The following MCC variants were observed in gnomAD, a reference collection of about 807,000 sequenced individuals.
The protein encoded by MCC is colorectal mutant cancer protein.
In MCC, 90 loss-of-function variants were observed where a neutral mutation model predicts 116.2. The ratio of observed to expected loss-of-function variants is 0.77; its 90% CI spans 0.65 to 0.92. MCC has a LOEUF of 0.92. MCC is among the 40% of genes least tolerant of loss of function. The pLI is 0.00. For missense variants in MCC, 1,516 were observed against 1,312.2 expected (o/e 1.16, Z -2.40); for synonymous variants, 578 against 510.5 (o/e 1.13, Z -1.78).
intron 9 of MCC, among the ~76,000 whole-genome samples, chr5:113,084,723 C>T (rs973467830): frequency 6.6e-6 from 1 of 152,234 alleles, no homozygotes; most frequent in African/African-American, 2.4e-5. Flanking sequence ...CTTCTCACAG[C>T]TGCCACAGCC....
intron 1 of MCC, among the ~76,000 whole-genome samples, chr5:113,449,683 G>A (rs1339209646): frequency 6.6e-6 from 1 of 152,196 alleles, no homozygotes; most frequent in Non-Finnish European, 1.5e-5. Flanking sequence ...GAGGCTCAGA[G>A]GTAAAACTGC....
At position 113,101,811 on chromosome 5, in the gene MCC, T is replaced by C. The variant is rs1386656494; in HGVS notation, c.1326A>G (p.Lys442=). The C allele has an allele frequency of 6.2e-7, 1 of 1,613,546 alleles. No homozygotes were observed. The highest frequency in any genetic ancestry group is 1.3e-5 in the African/African-American group (1 of 75,012). ...CCTTAGTCCGGTTCAGTTCTTCCTC[T>C]TTGCTGCACAGCATGGCAGTCAGGC... ...NESLTAMLCS[K]EEELNRTKAT... The change falls in exon 8 of 19, where the codon AAA becomes AAG. Residue 442 remains lysine, a synonymous_variant. Coordinates refer to ENST00000408903, the MANE Select transcript of MCC (RefSeq NM_001085377.2).
chr5:113,469,434 C>T (rs1214472678), intron 1 of MCC, among the ~76,000 whole-genome samples: 3 of 152,048 alleles, frequency 2.0e-5, no homozygotes, highest in Non-Finnish European at 2.9e-5. Flanking sequence ...CTTCATTTTA[C>T]TATTTACCCA....
At chr5:113,146,102 A>G (rs957342492) in intron 4 of MCC, among the ~76,000 whole-genome samples, 2 of 122,846 alleles carry the variant, frequency 1.6e-5, no homozygotes, top group African/African-American at 5.1e-5. Context: ...TTACATTCCT[A>G]TATTTTTCCG....
chr5:113,300,135 G>C (rs1325366029), intron 3 of MCC, among the ~76,000 whole-genome samples: 1 of 152,154 alleles, frequency 6.6e-6, no homozygotes, highest in African/African-American at 2.4e-5. Flanking sequence ...ACTCTATTCT[G>C]GGTCTGGTCT....
intron 1 of MCC, among the ~76,000 whole-genome samples, chr5:113,461,323 CT>C (rs944208297): frequency 2.6e-5 from 4 of 152,168 alleles, no homozygotes; most frequent in African/African-American, 4.8e-5. Flanking sequence ...GAACAGCCCC[CT>C]TTATAATTGT....
rs113662611 is a variant in MCC at position 113,248,108 on chromosome 5, A to C, written c.627+92411T>G. Among the ~76,000 whole-genome samples the C allele has an allele frequency of 8.7e-4, 133 of 152,200 alleles. 1 individual carries two copies. The highest frequency in any genetic ancestry group is 3.1e-3 in the African/African-American group (130 of 41,534). On this transcript the variant is annotated intron_variant, in intron 3 of 18. Transcript: ENST00000408903. ...AAAGGAAGCTAAGAATAAAGAAAGC[A>C]TATATCCTGGTTACTCCAGGCTGAC...
At chr5:113,269,879 A>G (rs1181480306) in intron 3 of MCC, among the ~76,000 whole-genome samples, 1 of 152,356 alleles carries the variant, frequency 6.6e-6, no homozygotes, top group Non-Finnish European at 1.5e-5. Context: ...AAGGCAACAG[A>G]GTACACTGAG....
intron 3 of MCC, among the ~76,000 whole-genome samples, chr5:113,327,567 T>A (rs59991000): frequency 0.015 from 1,323 of 91,230 alleles, 32 homozygotes; most frequent in African/African-American, 0.049. Context: ...AAAAAATATA[T>A]ATATATATAT....
At chr5:113,309,108 C>T (rs111631088) in intron 3 of MCC, among the ~76,000 whole-genome samples, 3,149 of 152,298 alleles carry the variant, frequency 0.021, 36 homozygotes, top group Middle Eastern at 0.027. Context: ...CATGCTCTTA[C>T]AGAATTTCCT....
intron 1 of MCC, among the ~76,000 whole-genome samples, chr5:113,432,130 G>T (rs1008133158): frequency 6.6e-6 from 1 of 151,230 alleles, no homozygotes; most frequent in Non-Finnish European, 1.5e-5. Context: ...GCGAGACTCC[G>T]TCTCAAAAAA....
At chr5:113,382,542 T>A (rs1483475529) in intron 2 of MCC, among the ~76,000 whole-genome samples, 1 of 152,064 alleles carries the variant, frequency 6.6e-6, no homozygotes, top group East Asian at 1.9e-4. Context: ...GTGTGAGCCA[T>A]GGTGCCCAGC....
rs556313230 is a variant in MCC, at chr5:113,071,893, T to C, written c.1785-659A>G. On this transcript the variant is annotated intron_variant, in intron 11 of 18. Coordinates refer to ENST00000408903, the MANE Select transcript of MCC (RefSeq NM_001085377.2). ...TAAGTGGGAAATGGACGAGGAGCTA[T>C]GGATTGTACCCAAAGCTGCTTTTGG... Among the ~76,000 whole-genome samples, 8 of 152,300 alleles carry C rather than the reference T, an allele frequency of 5.3e-5. No individual in the cohort carries two copies. The East Asian group carries it at 1.5e-3, about 29-fold the overall frequency.
chr5:113,085,425 A>C, intron 8 of MCC, 115 bp from the exon 9 acceptor site: 1 of 1,060,026 alleles, frequency 9.4e-7, no homozygotes, highest in Non-Finnish European at 1.4e-6. Context: ...CCCACTGAAA[A>C]GCTAGGTTGG....
chr5:113,368,407 T>A (rs1768754661), intron 2 of MCC, among the ~76,000 whole-genome samples: 1 of 152,156 alleles, frequency 6.6e-6, no homozygotes, highest in African/African-American at 2.4e-5. Context: ...GTTGATGATG[T>A]TTTTCCCTTT....
intron 2 of MCC, among the ~76,000 whole-genome samples, chr5:113,349,402 C>G (rs777170798): frequency 5.3e-5 from 8 of 152,072 alleles, no homozygotes; most frequent in Non-Finnish European, 1.5e-5. Context: ...ATATACAAAT[C>G]AATCAATGTG....
At chr5:113,166,520 G>A (rs957353846) in intron 3 of MCC, among the ~76,000 whole-genome samples, 5 of 152,036 alleles carry the variant, frequency 3.3e-5, no homozygotes, top group Admixed American at 3.3e-4. Flanking sequence ...AACAGCGTGG[G>A]TGATAATACA....
intron 3 of MCC, among the ~76,000 whole-genome samples, chr5:113,165,975 G>C (rs966539062): frequency 3.9e-5 from 6 of 151,978 alleles, no homozygotes; most frequent in Admixed American, 6.6e-5. Flanking sequence ...GGGGTGGGAG[G>C]GGGCAGGGAA....
At chr5:113,214,463 C>T (rs1763239811) in intron 3 of MCC, among the ~76,000 whole-genome samples, 1 of 152,184 alleles carries the variant, frequency 6.6e-6, no homozygotes, top group South Asian at 2.1e-4. Flanking sequence ...AGCTTATAGG[C>T]AAACTTGAGA....
Sources: gnomAD v4.1 joint callset for allele counts (sites outside exome capture counted in the v4.1 genomes callset) on GRCh38, gnomAD v4.1.1 for gene constraint, MANE v1.5 for transcripts, NCBI Gene and HGNC (gene_info 2026-07-23, HGNC 2026-07-21) for gene names.